BAZ1B: variants seen among roughly 807,000 people sequenced by gnomAD.
BAZ1B encodes bromodomain adjacent to zinc finger domain 1B, also known as tyrosine-protein kinase BAZ1B.
BAZ1B carries 22 observed loss-of-function variants against 153.8 expected under a neutral mutation model. The ratio of observed to expected loss-of-function variants is 0.14; its 90% CI spans 0.10 to 0.20. The LOEUF (loss-of-function observed/expected upper bound fraction) is 0.20. Among genes scored for constraint, BAZ1B ranks in the 10% least tolerant of loss-of-function variants. The pLI is 1.00. For synonymous variants in BAZ1B, 676 were observed against 633.4 expected (o/e 1.07, Z -1.01); for missense variants, 1,325 against 1,799.3 (o/e 0.74, Z 4.77).
chr7:73,500,613 G>A lies in BAZ1B; in HGVS notation c.370-1915C>T, dbSNP rs375996048. On this transcript the variant is annotated intron_variant, in intron 3 of 19. Transcript: ENST00000339594. ...GCTCATTAAGAGTTCAAACCAAGCC[G>A]GGCACAGTGGCTCATGCCTGTAATC... 4.7e-5 allele frequency among the ~76,000 whole-genome samples: 7 copies of A among 149,928 alleles called. No individual in the cohort carries two copies. The East Asian group carries it at 8.0e-4, about 17-fold the overall frequency.
At chr7:73,498,765 A>C in intron 3 of BAZ1B, 67 bp from the exon 4 acceptor site, 1 of 1,311,220 alleles carries the variant, frequency 7.6e-7, no homozygotes, top group Non-Finnish European at 1.1e-6. Context: ...TGTTTAGAAC[A>C]TATCATCCAA....
intron 1 of BAZ1B, among the ~76,000 whole-genome samples, chr7:73,515,071 CA>C (rs1322901661): frequency 6.7e-6 from 1 of 149,344 alleles, no homozygotes; most frequent in Non-Finnish European, 1.5e-5. Flanking sequence ...GAATCTGTCT[CA>C]AAAAAAAACA....
intron 7 of BAZ1B, among the ~76,000 whole-genome samples, 188 bp from the exon 8 acceptor site, chr7:73,470,671 T>C (rs1310119092): frequency 6.6e-6 from 1 of 152,232 alleles, no homozygotes; most frequent in African/African-American, 2.4e-5. Flanking sequence ...CCTACACTCC[T>C]TGAATTTGTG....
At chr7:73,493,258 C>T (rs575725393) in intron 4 of BAZ1B, among the ~76,000 whole-genome samples, 12 of 151,806 alleles carry the variant, frequency 7.9e-5, no homozygotes, top group Non-Finnish European at 1.5e-5. Context: ...GTCGGGAGTT[C>T]GAGACCAGCC....
At chr7:73,444,450 C>G (rs551538278) in intron 16 of BAZ1B, among the ~76,000 whole-genome samples, 105 of 152,338 alleles carry the variant, frequency 6.9e-4, no homozygotes, top group African/African-American at 2.4e-3. Flanking sequence ...ACTGTAAACT[C>G]TCACTCATGA....
intron 6 of BAZ1B, among the ~76,000 whole-genome samples, chr7:73,479,808 C>G (rs935199159): frequency 6.6e-6 from 1 of 152,042 alleles, no homozygotes; most frequent in East Asian, 1.9e-4. Context: ...CCCTGATTAA[C>G]TCACTCTATT....
At chr7:73,447,842 C>T (rs887758081) in intron 15 of BAZ1B, among the ~76,000 whole-genome samples, 1 of 152,208 alleles carries the variant, frequency 6.6e-6, no homozygotes, top group Non-Finnish European at 1.5e-5. Flanking sequence ...AAACAGCTTG[C>T]AGATGACCAT....
At chr7:73,486,736 A>C (rs1272527573) in intron 6 of BAZ1B, among the ~76,000 whole-genome samples, 1 of 152,232 alleles carries the variant, frequency 6.6e-6, no homozygotes, top group Admixed American at 6.5e-5. Context: ...AAGAGTATAC[A>C]GAGAGAGAAA....
intron 3 of BAZ1B, among the ~76,000 whole-genome samples, chr7:73,499,408 A>G (rs73362341): frequency 3.0e-4 from 46 of 152,302 alleles, no homozygotes; most frequent in African/African-American, 1.1e-3. Context: ...ACCTTTCTCT[A>G]CTTAATTACC....
intron 12 of BAZ1B, among the ~76,000 whole-genome samples, chr7:73,460,825 T>TCC (rs1454280896): frequency 6.6e-6 from 1 of 152,092 alleles, no homozygotes; most frequent in Non-Finnish European, 1.5e-5. Flanking sequence ...CCCAGCCAGG[T>TCC]GTGGTGGCAC....
At chr7:73,520,023 CA>C (rs1790971683) in intron 1 of BAZ1B, among the ~76,000 whole-genome samples, 1 of 152,186 alleles carries the variant, frequency 6.6e-6, no homozygotes, top group African/African-American at 2.4e-5. Flanking sequence ...GCCTGGCCAA[CA>C]TGGTAAAACC....
intron 9 of BAZ1B, among the ~76,000 whole-genome samples, chr7:73,466,736 AT>A (rs1484170389): frequency 6.6e-6 from 1 of 152,224 alleles, no homozygotes; most frequent in Non-Finnish European, 1.5e-5. Flanking sequence ...GAGCAAAGGC[AT>A]CTGTAGTGAA....
chr7:73,446,727 T>C (rs1452624505), intron 16 of BAZ1B, among the ~76,000 whole-genome samples: 1 of 152,126 alleles, frequency 6.6e-6, no homozygotes, highest in African/African-American at 2.4e-5. Flanking sequence ...CCTACTGGCA[T>C]CTAGTGAGAA....
rs1285357697 is a variant in BAZ1B at position 73,440,808 on chromosome 7, A to C, written c.*901T>G. 1 of 152,490 alleles carries C rather than the reference A, an allele frequency of 6.6e-6. No individual in the cohort carries two copies. Among genetic ancestry groups the C allele is most frequent in the Admixed American group, 6.5e-5 (1 of 15,284 alleles). The allele number at this position is 152,490 out of a possible 1,614,324, so 9.4% of individuals were successfully genotyped here. A position where few individuals can be genotyped will look rare whatever the true frequency, so the allele number is the denominator to read the frequency against. ...CTGCAGTCCCCTTGGTGGACTTTAA[A>C]TAGGTACAGAAGAGCTTGGGTGCTC... On this transcript the variant is annotated 3_prime_UTR_variant, in exon 20 of 20. Transcript: ENST00000339594.
intron 6 of BAZ1B, among the ~76,000 whole-genome samples, chr7:73,481,067 C>T (rs1193807728): frequency 6.6e-6 from 1 of 152,044 alleles, no homozygotes; most frequent in African/African-American, 2.4e-5. Flanking sequence ...TCTGTGATTA[C>T]AGGTGTGCGC....
intron 17 of BAZ1B, 46 bp from the exon 18 acceptor site, chr7:73,442,874 G>A (rs1787681655): frequency 3.5e-6 from 5 of 1,420,176 alleles, no homozygotes; most frequent in East Asian, 2.3e-5. Flanking sequence ...CAAGACAGGA[G>A]GAAGAATGGA....
chr7:73,443,842 T>A (rs918421894), intron 17 of BAZ1B, 142 bp downstream of exon 17: 4 of 1,246,818 alleles, frequency 3.2e-6, no homozygotes, highest in Non-Finnish European at 4.6e-6. Flanking sequence ...GGCTCACCCA[T>A]CTGCCTCCCC....
chr7:73,452,678 C>T (rs1332512232), intron 13 of BAZ1B, among the ~76,000 whole-genome samples: 1 of 149,344 alleles, frequency 6.7e-6, no homozygotes, highest in Middle Eastern at 3.2e-3. Flanking sequence ...GCCGAGATTG[C>T]ACCACTGCAC....
At chr7:73,472,253 CTT>C (rs1205328154) in intron 7 of BAZ1B, among the ~76,000 whole-genome samples, 349 of 146,640 alleles carry the variant, frequency 2.4e-3, no homozygotes, top group Non-Finnish European at 3.6e-3. Flanking sequence ...CACAGTTATA[CTT>C]TTTTTTTTTT....
Sources: gnomAD v4.1 joint callset for allele counts (sites outside exome capture counted in the v4.1 genomes callset) on GRCh38, gnomAD v4.1.1 for gene constraint, MANE v1.5 for transcripts, NCBI Gene and HGNC (gene_info 2026-07-23, HGNC 2026-07-21) for gene names.